ADAMTSL1: variants seen among roughly 807,000 people sequenced by gnomAD.
The protein encoded by ADAMTSL1 is ADAMTS like 1.
Under a neutral mutation model 201.8 loss-of-function variants are expected in ADAMTSL1, and 126 were observed. The ratio of observed to expected loss-of-function variants is 0.62; its 90% CI spans 0.54 to 0.72. The LOEUF is 0.72. Ranked by LOEUF, ADAMTSL1 falls within the 30% of genes least tolerant of loss-of-function variation. ADAMTSL1 has a pLI of 0.00. For synonymous variants in ADAMTSL1, 1,121 were observed against 903.4 expected (o/e 1.24, Z -4.32); for missense variants, 2,679 against 2,277.8 (o/e 1.18, Z -3.59).
intron 1 of ADAMTSL1, among the ~76,000 whole-genome samples, chr9:18,108,478 G>A (rs1824861120): frequency 6.6e-6 from 1 of 152,052 alleles, no homozygotes; most frequent in African/African-American, 2.4e-5. Flanking sequence ...GGGATTACCA[G>A]GGTGAGCCAC....
At chr9:18,583,414 A>G (rs1320356188) in intron 4 of ADAMTSL1, among the ~76,000 whole-genome samples, 1 of 152,206 alleles carries the variant, frequency 6.6e-6, no homozygotes, top group Non-Finnish European at 1.5e-5. Context: ...CCTAGATTTC[A>G]GAAGATGTAT....
chr9:17,960,022 T>C (rs1817676976), intron 1 of ADAMTSL1, among the ~76,000 whole-genome samples: 1 of 152,108 alleles, frequency 6.6e-6, no homozygotes, highest in Non-Finnish European at 1.5e-5. Context: ...GACTTAAACG[T>C]TATATAAACA....
intron 3 of ADAMTSL1, among the ~76,000 whole-genome samples, chr9:18,533,500 C>G (rs1431864176): frequency 6.6e-6 from 1 of 152,190 alleles, no homozygotes; most frequent in Admixed American, 6.5e-5. Flanking sequence ...TTGAAACTAA[C>G]TAGACTATTT....
At chr9:18,672,914 T>C (rs1346980943) in intron 9 of ADAMTSL1, among the ~76,000 whole-genome samples, 1 of 152,170 alleles carries the variant, frequency 6.6e-6, no homozygotes, top group Admixed American at 6.5e-5. Context: ...CAACCCCTGA[T>C]GATGGGGATA....
intron 1 of ADAMTSL1, among the ~76,000 whole-genome samples, chr9:18,125,935 C>G (rs1825711072): frequency 6.6e-6 from 1 of 152,170 alleles, no homozygotes; most frequent in South Asian, 2.1e-4. Context: ...GAATCCAGTT[C>G]TACTTCTTAT....
intron 4 of ADAMTSL1, among the ~76,000 whole-genome samples, chr9:18,595,117 A>AGATC: frequency 6.6e-6 from 1 of 152,138 alleles, no homozygotes; most frequent in South Asian, 2.1e-4. Flanking sequence ...GATCTGGGGA[A>AGATC]GATCCAAGGA....
chr9:18,704,005 GAA>G (rs1220156119), intron 13 of ADAMTSL1, among the ~76,000 whole-genome samples: 1 of 151,878 alleles, frequency 6.6e-6, no homozygotes, highest in African/African-American at 2.4e-5. Flanking sequence ...TTATATATGT[GAA>G]AAGAGATGGA....
intron 2 of ADAMTSL1, among the ~76,000 whole-genome samples, chr9:18,165,542 C>G (rs1297681173): frequency 6.6e-6 from 1 of 151,756 alleles, no homozygotes; most frequent in Non-Finnish European, 1.5e-5. Context: ...TTTATAATTA[C>G]CTTTTAATAG....
At chr9:18,356,928 C>T (rs1836274318) in intron 2 of ADAMTSL1, among the ~76,000 whole-genome samples, 1 of 152,160 alleles carries the variant, frequency 6.6e-6, no homozygotes, top group Non-Finnish European at 1.5e-5. Flanking sequence ...TAAAGTCCAT[C>T]ACTCCTAGTA....
intron 1 of ADAMTSL1, among the ~76,000 whole-genome samples, chr9:17,973,225 A>G (rs1166126145): frequency 2.0e-5 from 3 of 151,466 alleles, no homozygotes; most frequent in East Asian, 3.9e-4. Flanking sequence ...TGTTTTAGAC[A>G]TGAAGTCCTT....
intron 1 of ADAMTSL1, among the ~76,000 whole-genome samples, chr9:17,908,709 C>T (rs1042720150): frequency 8.5e-5 from 13 of 152,188 alleles, no homozygotes; most frequent in African/African-American, 3.1e-4. Flanking sequence ...CCACTCGCCT[C>T]GGCCTTCCAA....
intron 1 of ADAMTSL1, among the ~76,000 whole-genome samples, chr9:17,991,854 T>G (rs1456588300): frequency 6.6e-6 from 1 of 152,132 alleles, no homozygotes; most frequent in African/African-American, 2.4e-5. Flanking sequence ...GATTTCTCAT[T>G]TTCCCTCGGG....
intron 7 of ADAMTSL1, among the ~76,000 whole-genome samples, chr9:18,640,780 G>T (rs1827388363): frequency 6.6e-6 from 1 of 151,916 alleles, no homozygotes; most frequent in Non-Finnish European, 1.5e-5. Flanking sequence ...CTCAACATTG[G>T]TTTTTCTCCT....
At chr9:18,293,571 A>G (rs571610717) in intron 2 of ADAMTSL1, among the ~76,000 whole-genome samples, 4 of 152,360 alleles carry the variant, frequency 2.6e-5, no homozygotes, top group Middle Eastern at 3.4e-3. Flanking sequence ...GTGAAAAAAG[A>G]TGAACTTTCC....
intron 16 of ADAMTSL1, among the ~76,000 whole-genome samples, chr9:18,769,260 G>A (rs914668829): frequency 2.0e-5 from 3 of 152,186 alleles, no homozygotes; most frequent in African/African-American, 7.2e-5. Flanking sequence ...TCTGAGAGGG[G>A]CACTCCTCCA....
chr9:18,453,845 T>C (rs1004774390), intron 2 of ADAMTSL1, among the ~76,000 whole-genome samples: 4 of 152,140 alleles, frequency 2.6e-5, no homozygotes, highest in Admixed American at 6.5e-5. Context: ...AGAAGCAGAG[T>C]CCTTAGCATT....
chr9:18,875,647 G>A (rs548132175), intron 23 of ADAMTSL1, among the ~76,000 whole-genome samples: 1 of 152,228 alleles, frequency 6.6e-6, no homozygotes, highest in African/African-American at 2.4e-5. Context: ...TAAATTTACT[G>A]AGACTTGTTT....
chr9:18,371,222 C>T (rs1837028743), intron 2 of ADAMTSL1, among the ~76,000 whole-genome samples: 1 of 152,102 alleles, frequency 6.6e-6, no homozygotes, highest in African/African-American at 2.4e-5. Context: ...GCATTATCTA[C>T]TCTGACCTGG....
intron 2 of ADAMTSL1, among the ~76,000 whole-genome samples, chr9:18,226,334 C>A (rs372990080): frequency 1.9e-4 from 29 of 152,154 alleles, no homozygotes; most frequent in African/African-American, 6.0e-4. Context: ...TCTTGACATT[C>A]TCCTGGTCAC....
Sources: allele counts gnomAD v4.1 joint callset (sites outside exome capture counted in the v4.1 genomes callset), GRCh38; gene constraint gnomAD v4.1.1; transcripts MANE v1.5; gene names NCBI Gene and HGNC (gene_info 2026-07-23, HGNC 2026-07-21).